UVRAG: variants seen among roughly 807,000 people sequenced by gnomAD.
The protein encoded by UVRAG is UV radiation resistance-associated gene protein.
Under a neutral mutation model 78.0 loss-of-function variants are expected in UVRAG, and 19 were observed. The observed-to-expected ratio is 0.24, with a 90% CI of 0.17 to 0.36. The LOEUF (loss-of-function observed/expected upper bound fraction) is 0.36, where lower values mean the gene tolerates loss of function less well. UVRAG is among the 10% of genes least tolerant of loss of function. UVRAG has a pLI of 1.00. For missense variants in UVRAG, 740 were observed against 853.8 expected, an observed-to-expected ratio of 0.87 and a Z score of 1.66; for synonymous variants, 323 against 324.6, an observed-to-expected ratio of 1.00 and a Z score of 0.05.
At chr11:75,980,594 T>A (rs1266412611) in intron 7 of UVRAG, among the ~76,000 whole-genome samples, 5 of 152,178 alleles carry the variant, frequency 3.3e-5, no homozygotes, top group African/African-American at 4.8e-5. Context: ...ATTCTTCTGA[T>A]GTTTGTGAGA....
chr11:75,989,919 TA>T (rs1286607185), intron 8 of UVRAG, among the ~76,000 whole-genome samples: 1 of 152,228 alleles, frequency 6.6e-6, no homozygotes, highest in African/African-American at 2.4e-5. Flanking sequence ...AATGTACCAT[TA>T]AATGTAGTAC....
At chr11:76,057,673 A>G (rs1362962456) in intron 12 of UVRAG, among the ~76,000 whole-genome samples, 3 of 152,004 alleles carry the variant, frequency 2.0e-5, no homozygotes, top group African/African-American at 7.2e-5. Context: ...CAACAGTTAA[A>G]ACTTCAGTGA....
chr11:76,123,168 C>G (rs965733703), intron 14 of UVRAG, among the ~76,000 whole-genome samples: 1 of 152,172 alleles, frequency 6.6e-6, no homozygotes, highest in Non-Finnish European at 1.5e-5. Flanking sequence ...TCTGTGCCAC[C>G]TCTATTCTAG....
intron 6 of UVRAG, among the ~76,000 whole-genome samples, chr11:75,947,231 C>T (rs1380503421): frequency 6.6e-6 from 1 of 152,154 alleles, no homozygotes; most frequent in Admixed American, 6.6e-5. Flanking sequence ...GCTAATCTCC[C>T]TTTTGGTTAA....
intron 13 of UVRAG, among the ~76,000 whole-genome samples, chr11:76,112,130 A>C (rs2134460807): frequency 6.6e-6 from 1 of 152,276 alleles, no homozygotes; most frequent in East Asian, 1.9e-4. Flanking sequence ...GACCGAAATG[A>C]AGGCTTATCA....
chr11:75,830,003 C>T (rs1003764450), intron 1 of UVRAG, among the ~76,000 whole-genome samples: 5 of 151,558 alleles, frequency 3.3e-5, no homozygotes, highest in Non-Finnish European at 7.4e-5. Context: ...CCATGCCTGG[C>T]TAAGTTTTGT....
chr11:75,981,904 G>A (rs900679992), intron 7 of UVRAG, among the ~76,000 whole-genome samples: 1 of 148,854 alleles, frequency 6.7e-6, no homozygotes, highest in African/African-American at 2.6e-5. Flanking sequence ...TCTTTGCTGA[G>A]ACTTTCTAGT....
intron 1 of UVRAG, among the ~76,000 whole-genome samples, chr11:75,842,738 C>T (rs1028825132): frequency 6.6e-6 from 1 of 152,072 alleles, no homozygotes; most frequent in Admixed American, 6.5e-5. Flanking sequence ...CCGTACCTGG[C>T]CTGACCTGCC....
intron 5 of UVRAG, among the ~76,000 whole-genome samples, chr11:75,889,322 A>C (rs1366798997): frequency 6.6e-6 from 1 of 152,248 alleles, no homozygotes; most frequent in Non-Finnish European, 1.5e-5. Context: ...AAAAGTTATT[A>C]GAGAAAGGAA....
At chr11:76,129,781 A>G (rs1029205284) in intron 14 of UVRAG, among the ~76,000 whole-genome samples, 2 of 152,022 alleles carry the variant, frequency 1.3e-5, no homozygotes, top group South Asian at 4.1e-4. Flanking sequence ...GTACTACTGC[A>G]CAGCCTGCAG....
At chr11:75,843,884 A>G (rs948642253) in intron 1 of UVRAG, among the ~76,000 whole-genome samples, 5 of 151,526 alleles carry the variant, frequency 3.3e-5, no homozygotes, top group Non-Finnish European at 7.4e-5. Context: ...TCTTGAGCCC[A>G]GGAGGCAGAG....
intron 6 of UVRAG, among the ~76,000 whole-genome samples, chr11:75,937,505 T>C (rs1243607901): frequency 1.3e-5 from 2 of 152,258 alleles, no homozygotes; most frequent in African/African-American, 4.8e-5. Context: ...TTTTGGAAGA[T>C]GCTTTCATTG....
At chr11:76,111,312 G>A (rs1952062965) in intron 13 of UVRAG, among the ~76,000 whole-genome samples, 3 of 152,142 alleles carry the variant, frequency 2.0e-5, no homozygotes, top group Admixed American at 2.0e-4. Flanking sequence ...AGGATGTGGT[G>A]GTACCGAGTA....
chr11:75,864,915 A>G (rs774194018), intron 3 of UVRAG, among the ~76,000 whole-genome samples: 5 of 152,188 alleles, frequency 3.3e-5, no homozygotes, highest in Non-Finnish European at 7.3e-5. Context: ...CCTTGTTTAT[A>G]TTCTGAGCTT....
chr11:75,957,521 A>G (rs1411580657), intron 6 of UVRAG, among the ~76,000 whole-genome samples: 1 of 151,272 alleles, frequency 6.6e-6, no homozygotes, highest in Non-Finnish European at 1.5e-5. Flanking sequence ...TCCCTTCTAG[A>G]TTCTTTGCTT....
chr11:75,815,722 C>T (rs993356759), intron 1 of UVRAG, among the ~76,000 whole-genome samples, 198 bp downstream of exon 1: 1 of 152,118 alleles, frequency 6.6e-6, no homozygotes, highest in African/African-American at 2.4e-5. Flanking sequence ...ATCCCGGAGT[C>T]CTAGGAGAAT....
rs796228203 is a variant in UVRAG, at chr11:76,002,998, G to T, written c.827-1007G>T. 2.8e-4 allele frequency among the ~76,000 whole-genome samples: 42 copies of T among 152,094 alleles called. 1 individual carries two copies. Among genetic ancestry groups the T allele is most frequent in the African/African-American group, 9.6e-4 (40 of 41,494 alleles). The stretch of plus-strand genomic sequence containing the variant: ...AGGCTGAGGCAGGAGGATCACCTCA[G>T]CTTGGGGAAGTTGAGGCTACATTTA... On this transcript the variant is annotated intron_variant, in intron 8 of 14. Transcript: ENST00000356136.
At chr11:76,087,992 G>C (rs1300099326) in intron 13 of UVRAG, among the ~76,000 whole-genome samples, 1 of 152,102 alleles carries the variant, frequency 6.6e-6, no homozygotes, top group Non-Finnish European at 1.5e-5. Flanking sequence ...CTTCCCAGTA[G>C]CTCCCTGGGG....
intron 12 of UVRAG, among the ~76,000 whole-genome samples, chr11:76,064,842 A>G (rs950046564): frequency 6.6e-6 from 1 of 152,242 alleles, no homozygotes; most frequent in Non-Finnish European, 1.5e-5. Flanking sequence ...TATTCTTGAG[A>G]ATAATTGTAT....
Sources: gnomAD v4.1 joint callset for allele counts (sites outside exome capture counted in the v4.1 genomes callset) on GRCh38, gnomAD v4.1.1 for gene constraint, MANE v1.5 for transcripts, NCBI Gene and HGNC (gene_info 2026-07-23, HGNC 2026-07-21) for gene names.